The following FTSJ3 variants were observed in gnomAD, a reference collection of about 807,000 sequenced individuals.
FTSJ3 encodes the protein pre-rRNA 2'-O-ribose RNA methyltransferase FTSJ3.
In FTSJ3, 46 loss-of-function variants were observed where a neutral mutation model predicts 111.5. That is an observed-to-expected ratio of 0.41 (90% CI 0.33 to 0.53). The LOEUF (loss-of-function observed/expected upper bound fraction) is 0.53, where lower values mean the gene tolerates loss of function less well. Among genes scored for constraint, FTSJ3 ranks in the 20% least tolerant of loss-of-function variants. The probability of loss-of-function intolerance (pLI) is 0.19; values close to 1 mark genes in which losing one functional copy is unlikely to be tolerated. For synonymous variants in FTSJ3, 408 were observed against 383.0 expected (o/e 1.07, Z -0.76); for missense variants, 1,075 against 1,063.8 (o/e 1.01, Z -0.15).
chr17:63,825,217 T>C, intron 7 of FTSJ3, 25 bp downstream of exon 7: 6 of 1,613,910 alleles, frequency 3.7e-6, no homozygotes, highest in Non-Finnish European at 5.1e-6. Context: ...GGAGCCTGGA[T>C]CAAGAGAAAG....
In FTSJ3 at chr17:63,824,850, A is replaced by T. The variant is rs200701645; in HGVS notation, c.791T>A (p.Val264Asp). The T allele has an allele frequency of 1.2e-6, 2 of 1,607,486 alleles. No individual in the cohort carries two copies. The highest frequency in any genetic ancestry group is 2.7e-5 in the African/African-American group (2 of 74,878). The change falls in exon 9 of 21, where the codon GTT (valine) becomes GAT (aspartate). Residue 264 changes from valine (V) to aspartate (D), a missense_variant. Val to Asp is a radical substitution (Grantham distance 152). This residue lies in a region of FTSJ3 where 867 missense variants were observed against 796.9 expected (regional missense o/e 1.09). Coordinates refer to ENST00000427159, the MANE Select transcript of FTSJ3 (RefSeq NM_017647.4). ...TTCGCTGGCCTTGGAGAGGAAGTCA[A>T]CAGGGTTGGCAGCTCGGAGGAAGTC... The part of the protein sequence containing the change: ...VTDFLRAANP[V>D]DFLSKASEIM...
chr17:63,824,471 GTTT>G, intron 10 of FTSJ3, 60 bp from the exon 11 acceptor site: 1 of 1,579,746 alleles, frequency 6.3e-7, no homozygotes, highest in South Asian at 1.1e-5. Flanking sequence ...GCCCCCTTCT[GTTT>G]TAGGCTCACT....
rs1043333948 is a variant in FTSJ3, at chr17:63,827,365, C to T, written c.-340G>A. 2.2e-6 allele frequency: 3 copies of T among 1,360,698 alleles called. No individual in the cohort carries two copies. Among genetic ancestry groups the T allele is most frequent in the South Asian group, 1.3e-5 (1 of 77,926 alleles). 84.3% of individuals were successfully genotyped at this position (1,360,698 alleles called of 1,614,324 possible). On this transcript the variant is annotated 5_prime_UTR_variant, in exon 1 of 21. Coordinates refer to ENST00000427159, the MANE Select transcript of FTSJ3 (RefSeq NM_017647.4). ...CCCATCATGGTTCCCTTAGTGTGGTCTCGCCGCACACCCCGCCCATTGACC... is the reference window on the plus strand; with the variant it reads ...CCCATCATGGTTCCCTTAGTGTGGTTTCGCCGCACACCCCGCCCATTGACC...
In FTSJ3 at chr17:63,819,877, C is replaced by G; in HGVS notation, c.2469G>C (p.Val823=). 6.2e-7 allele frequency: 1 copy of G among 1,614,178 alleles called. No homozygotes were observed. The highest frequency in any genetic ancestry group is 8.5e-7 in the Non-Finnish European group (1 of 1,180,024). ...GGTCCTTCTTCATCCTTGAGTCCAC[C>G]ACCTTGAAATGACCTCTGACTCCAG... is the stretch of plus-strand genomic sequence containing the variant. ...RPAGVRGHFK[V]VDSRMKKDQR... is the part of the protein sequence containing the mutation. The change falls in exon 21 of 21, where the codon GTG becomes GTC. Residue 823 remains valine, a synonymous_variant. Transcript: ENST00000427159.
rs963950872 is a variant in FTSJ3, at chr17:63,821,981, T to A, written c.1475+3A>T. The A allele has an allele frequency of 2.5e-6, 4 of 1,614,078 alleles. No homozygotes were observed. Among genetic ancestry groups the A allele is most frequent in the Non-Finnish European group, 3.4e-6 (4 of 1,179,950 alleles). On this transcript the variant is annotated splice_donor_region_variant and intron_variant, in intron 14 of 20. Coordinates refer to ENST00000427159, the MANE Select transcript of FTSJ3 (RefSeq NM_017647.4). ...TTCCCTTTGGTGCACACGTGCCCCT[T>A]ACCGCTTTTGGTCCCTTAGACCCTG... is the stretch of plus-strand genomic sequence containing the variant.
chr17:63,825,336 C>T lies in FTSJ3; in HGVS notation c.501G>A (p.Leu167=). 6 of 1,614,182 alleles carry T rather than the reference C, an allele frequency of 3.7e-6. No homozygotes were observed. The highest frequency in any genetic ancestry group is 5.1e-6 in the Non-Finnish European group (6 of 1,180,042). Residue 167 remains leucine, a synonymous_variant, in exon 7 of 21, where the codon CTG becomes CTA. Transcript: ENST00000427159. ...GGAACAGCTGCTGAAAGATCCATAG[C>T]AGAGGCTGATAGTCACGAGAACGGA... ...KVFRSRDYQP[L]LWIFQQLFRR... is the part of the protein sequence containing the mutation.
Position 63,820,313 on chromosome 17 carries a change from T to C in FTSJ3, c.2198A>G (p.Glu733Gly), listed in dbSNP as rs919487167. 4.3e-6 allele frequency: 7 copies of C among 1,613,616 alleles called. No homozygotes were observed. The South Asian group carries it at 5.5e-5, about 13-fold the overall frequency. ...EVEHYRKRWR[E>G]INARPIKKVA... ...CTTCTTGATGGGACGTGCATTGATT[T>C]CCCGCCAGCGTTTCCGGTAATGCTC... The change falls in exon 19 of 21, where the codon GAA (glutamate) becomes GGA (glycine). Residue 733 changes from glutamate to glycine, a missense_variant. Around this residue, in one of 2 missense-constraint regions of FTSJ3, gnomAD observed 867 missense variants for 796.9 expected, o/e 1.09. Coordinates refer to ENST00000427159, the MANE Select transcript of FTSJ3 (RefSeq NM_017647.4).
In FTSJ3 at chr17:63,819,824, T is replaced by G. The variant is rs1481834939; in HGVS notation, c.2522A>C (p.Lys841Thr). ...DQRAQQRKEQ[K>T]KKHKRK ...TGCTTACTTCCGTTTGTGTTTTTTCTTTTGTTCCTTACGTTGCTGTGCTCT... is the reference window on the plus strand; with the variant it reads ...TGCTTACTTCCGTTTGTGTTTTTTCGTTTGTTCCTTACGTTGCTGTGCTCT... The change falls in exon 21 of 21, where the codon AAG (lysine) becomes ACG (threonine). Residue 841 changes from lysine to threonine, a missense_variant. Physicochemically the swap from Lys to Thr is moderately conservative, Grantham distance 78 (BLOSUM62 -1). Around this residue, in one of 2 missense-constraint regions of FTSJ3, gnomAD observed 867 missense variants for 796.9 expected, o/e 1.09. Coordinates refer to ENST00000427159, the MANE Select transcript of FTSJ3 (RefSeq NM_017647.4). 1.9e-6 allele frequency: 3 copies of G among 1,613,370 alleles called. No individual in the cohort carries two copies. Among genetic ancestry groups the G allele is most frequent in the African/African-American group, 2.7e-5 (2 of 74,848 alleles).
chr17:63,827,108 C>T lies in FTSJ3; in HGVS notation c.-83G>A. 1 of 609,516 alleles carries T rather than the reference C, an allele frequency of 1.6e-6. No homozygotes were observed. The highest frequency in any genetic ancestry group is 2.0e-5 in the South Asian group (1 of 50,744). The allele number at this position is 609,516 out of a possible 1,614,324, so 37.8% of individuals were successfully genotyped here. Reference sequence around the variant, plus strand: ...AACCGCACAAGTATGCAGCTAACTACTTCCGCTTCCGCTTGCGTCCCCTGC... The same window carrying T: ...AACCGCACAAGTATGCAGCTAACTATTTCCGCTTCCGCTTGCGTCCCCTGC... On this transcript the variant is annotated 5_prime_UTR_variant, in exon 1 of 21. Transcript: ENST00000427159.
chr17:63,826,023 T>C (rs768599101), intron 5 of FTSJ3, 33 bp downstream of exon 5: 2 of 1,539,042 alleles, frequency 1.3e-6, no homozygotes, highest in Non-Finnish European at 1.8e-6. Flanking sequence ...TGTTTCCGTA[T>C]AAAGGGGGAA....
Position 63,827,524 on chromosome 17 carries a change from G to T in FTSJ3, c.-499C>A. 1 of 1,551,542 alleles carries T rather than the reference G, an allele frequency of 6.4e-7. No homozygotes were observed. On this transcript the variant is annotated 5_prime_UTR_variant, in exon 1 of 21. Coordinates refer to ENST00000427159, the MANE Select transcript of FTSJ3 (RefSeq NM_017647.4). ...TGACGGACCAGAGCAGGTATGGCGG[G>T]TGCAGTGGCGGCCCGGCAGGTTACG... is the stretch of plus-strand genomic sequence containing the variant.
Position 63,819,771 on chromosome 17 carries a change from C to G in FTSJ3, c.*31G>C. 6.3e-7 allele frequency: 1 copy of G among 1,588,492 alleles called. No homozygotes were observed. Among genetic ancestry groups the G allele is most frequent in the Non-Finnish European group, 8.6e-7 (1 of 1,165,754 alleles). On this transcript the variant is annotated 3_prime_UTR_variant, in exon 21 of 21. Transcript: ENST00000427159. Reference sequence around the variant, plus strand: ...CATGCCACACCCTTCCTCCTAGTCCCCATGCTCTCCTGGGAGCCTGGCAGC... The same window carrying G: ...CATGCCACACCCTTCCTCCTAGTCCGCATGCTCTCCTGGGAGCCTGGCAGC...
At position 63,819,994 on chromosome 17, in the gene FTSJ3, A is replaced by G; in HGVS notation, c.2352T>C (p.Ser784=). The change falls in exon 21 of 21, where the codon AGT becomes AGC. Residue 784 remains serine, a splice_region_variant and synonymous_variant. Coordinates refer to ENST00000427159, the MANE Select transcript of FTSJ3 (RefSeq NM_017647.4). ...TGCCAAGCCCAGCCTTCTTGTAGAG[A>G]CTACAGGGGGGAAGAGAAGAGGTTA... ...SEREKVAQLR[S]LYKKAGLGKE... is the part of the protein sequence containing the mutation. The G allele has an allele frequency of 6.2e-7, 1 of 1,613,982 alleles. No individual in the cohort carries two copies. Among genetic ancestry groups the G allele is most frequent in the Non-Finnish European group, 8.5e-7 (1 of 1,179,952 alleles).
chr17:63,827,039 C>G lies in FTSJ3; in HGVS notation c.-27+13G>C. The G allele has an allele frequency of 1.2e-6, 1 of 802,064 alleles. No individual in the cohort carries two copies. Among genetic ancestry groups the G allele is most frequent in the Non-Finnish European group, 2.1e-6 (1 of 471,426 alleles). The allele number at this position is 802,064 out of a possible 1,614,324, so 49.7% of individuals were successfully genotyped here. ...CGCAGCAATTCCACCCCGCGCCCCT[C>G]TCCGCACACTACCTAGACCCAGAGC... On this transcript the variant is annotated intron_variant, in intron 1 of 20. Coordinates refer to ENST00000427159, the MANE Select transcript of FTSJ3 (RefSeq NM_017647.4).
In FTSJ3 at chr17:63,819,680, A is replaced by T; in HGVS notation, c.*122T>A. 1.1e-6 allele frequency: 1 copy of T among 920,914 alleles called. No homozygotes were observed. Among genetic ancestry groups the T allele is most frequent in the Non-Finnish European group, 1.6e-6 (1 of 608,530 alleles). 57.0% of individuals were successfully genotyped at this position (920,914 alleles called of 1,614,324 possible). On this transcript the variant is annotated 3_prime_UTR_variant, in exon 21 of 21. Coordinates refer to ENST00000427159, the MANE Select transcript of FTSJ3 (RefSeq NM_017647.4). ...ACGGGAGTTCTAGGCACTCCACCTC[A>T]CTGTTCTTCAGACAGCTGTGATGTG...
At chr17:63,826,811 G>C in intron 2 of FTSJ3, 25 bp downstream of exon 2, 1 of 1,609,588 alleles carries the variant, frequency 6.2e-7, no homozygotes, top group South Asian at 1.1e-5. Context: ...TCGCTCGCTC[G>C]CAGACTGAGC....
Position 63,826,822 on chromosome 17 carries a change from G to A in FTSJ3, c.67+14C>T, listed in dbSNP as rs1416240706. 4 of 1,613,542 alleles carry A rather than the reference G, an allele frequency of 2.5e-6. No homozygotes were observed. The East Asian group carries it at 6.7e-5, about 27-fold the overall frequency. On this transcript the variant is annotated intron_variant, in intron 2 of 20. Transcript: ENST00000427159. ...TCGCTCGCTCGCTCGCAGACTGAGCGAATCCGGACTCACCCGTCTCCTTCG... is the reference window on the plus strand; with the variant it reads ...TCGCTCGCTCGCTCGCAGACTGAGCAAATCCGGACTCACCCGTCTCCTTCG...
chr17:63,826,367 C>T (rs1237532414), intron 3 of FTSJ3, 63 bp from the exon 4 acceptor site: 4 of 1,488,366 alleles, frequency 2.7e-6, no homozygotes, highest in African/African-American at 1.4e-5. Context: ...GGCAACTGAT[C>T]TCTCATCCCT....
Position 63,821,416 on chromosome 17 carries a change from T to C in FTSJ3, c.1824A>G (p.Glu608=). 6.2e-7 allele frequency: 1 copy of C among 1,614,144 alleles called. No homozygotes were observed. Among genetic ancestry groups the C allele is most frequent in the Non-Finnish European group, 8.5e-7 (1 of 1,180,024 alleles). Residue 608 remains glutamate (E), a synonymous_variant, in exon 16 of 21, where the codon GAA becomes GAG. Coordinates refer to ENST00000427159, the MANE Select transcript of FTSJ3 (RefSeq NM_017647.4). ...CTGAGATGCCATCCTTTTCTTCCCC[T>C]TCAAGGCCAGTGGCAGCTTCTGTCC... ...SSGTEAATGL[E]GEEKDGISDS... is the part of the protein sequence containing the mutation.
Sources: allele counts gnomAD v4.1 joint callset, GRCh38; gene constraint gnomAD v4.1.1; regional missense constraint gnomAD v4.1.1; transcripts MANE v1.5; gene names NCBI Gene and HGNC (gene_info 2026-07-23, HGNC 2026-07-21).